The following NDST4 variants were observed in gnomAD, a reference collection of about 807,000 sequenced individuals.
NDST4 encodes N-deacetylase and N-sulfotransferase 4.
A neutral mutation model predicts 100.8 loss-of-function variants in NDST4; 63 were observed. That is an observed-to-expected ratio of 0.62 (90% CI 0.51 to 0.77). NDST4 has a LOEUF of 0.77. NDST4 is among the 30% of genes least tolerant of loss of function. NDST4 has a pLI of 0.00. For synonymous variants in NDST4, 377 were observed against 361.8 expected, an observed-to-expected ratio of 1.04 and a Z score of -0.48; for missense variants, 943 against 1,018.4, an observed-to-expected ratio of 0.93 and a Z score of 1.01.
At chr4:114,988,593 C>A (rs1413081524) in intron 2 of NDST4, among the ~76,000 whole-genome samples, 11 of 151,754 alleles carry the variant, frequency 7.2e-5, no homozygotes, top group Admixed American at 2.0e-4. Flanking sequence ...AATCTCCTGA[C>A]CTTGTGATCC....
chr4:115,071,909 C>A (rs1729086237), intron 2 of NDST4, among the ~76,000 whole-genome samples: 1 of 151,916 alleles, frequency 6.6e-6, no homozygotes, highest in African/African-American at 2.4e-5. Context: ...ATAAATAGTT[C>A]TCAATTCTCA....
intron 6 of NDST4, among the ~76,000 whole-genome samples, chr4:114,933,446 T>TC (rs1725557676): frequency 6.9e-6 from 1 of 145,412 alleles, no homozygotes; most frequent in Admixed American, 6.8e-5. Context: ...TTTTTTTTTT[T>TC]TTTTTTTTGT....
intron 6 of NDST4, among the ~76,000 whole-genome samples, chr4:114,927,420 C>T (rs995113762): frequency 6.6e-6 from 1 of 152,014 alleles, no homozygotes; most frequent in Non-Finnish European, 1.5e-5. Flanking sequence ...GTAGCCCACA[C>T]AATTTTCTGA....
chr4:114,986,832 A>ATTTTTTTTTTTTTT (rs58065684), intron 2 of NDST4, among the ~76,000 whole-genome samples: 2 of 94,662 alleles, frequency 2.1e-5, no homozygotes, highest in African/African-American at 7.4e-5. Context: ...ATATATATAT[A>ATTTTTTTTTTTTTT]TTTTAATATA....
chr4:114,941,053 G>T (rs975623972), intron 4 of NDST4, among the ~76,000 whole-genome samples: 1 of 152,176 alleles, frequency 6.6e-6, no homozygotes, highest in African/African-American at 2.4e-5. Flanking sequence ...AGGCTTGAGG[G>T]TGTGGCCCCT....
intron 2 of NDST4, among the ~76,000 whole-genome samples, chr4:115,011,037 G>A (rs958496806): frequency 2.0e-5 from 3 of 151,976 alleles, no homozygotes; most frequent in African/African-American, 7.2e-5. Flanking sequence ...ATTTTCATAT[G>A]TAATATAATT....
intron 6 of NDST4, among the ~76,000 whole-genome samples, chr4:114,917,456 T>C (rs553149320): frequency 6.6e-6 from 1 of 152,148 alleles, no homozygotes; most frequent in East Asian, 1.9e-4. Flanking sequence ...TTGATAGTAG[T>C]TGGCCTTAGA....
At chr4:114,842,618 TAAAAAAAAAAAAAAAAAAA>T (rs71584042) in intron 10 of NDST4, 1 of 38,874 alleles carries the variant, frequency 2.6e-5, no homozygotes, top group East Asian at 1.3e-3. Flanking sequence ...CAGTCTCTAC[TAAAAAAAAAAAAAAAAAAA>T]AAAAAAAAAA....
At chr4:115,104,625 T>A (rs917537447) in intron 1 of NDST4, among the ~76,000 whole-genome samples, 1 of 152,170 alleles carries the variant, frequency 6.6e-6, no homozygotes, top group African/African-American at 2.4e-5. Flanking sequence ...TATGTTTTCC[T>A]GAAAATTTTT....
At chr4:114,964,148 C>G (rs1220474193) in intron 4 of NDST4, among the ~76,000 whole-genome samples, 1 of 152,164 alleles carries the variant, frequency 6.6e-6, no homozygotes, top group African/African-American at 2.4e-5. Flanking sequence ...GAGCTGCCAT[C>G]CTGAATGACC....
intron 2 of NDST4, among the ~76,000 whole-genome samples, chr4:114,996,759 C>T (rs1206325493): frequency 6.6e-6 from 1 of 152,106 alleles, no homozygotes; most frequent in African/African-American, 2.4e-5. Flanking sequence ...GTGTTCCTCA[C>T]TAGTTTAAAT....
chr4:114,965,843 G>T (rs1013524723), intron 4 of NDST4, among the ~76,000 whole-genome samples: 19 of 152,028 alleles, frequency 1.2e-4, no homozygotes, highest in African/African-American at 4.6e-4. Flanking sequence ...TCTATGGCTG[G>T]AAAATAGCTG....
chr4:114,845,963 T>C lies in NDST4; in HGVS notation c.1975A>G (p.Thr659Ala), dbSNP rs1201101918. Residue 659 changes from threonine (T) to alanine (A), a missense_variant, in exon 10 of 14, where the codon ACA (threonine) becomes GCA (alanine). Transcript: ENST00000264363. ...MDFFPTPSNT[T>A]SDFLFEKSAN... ...CTCTTTTCAAACAGAAAGTCACTTG[T>C]AGTATTGGATGGTGTAGGGAAAAAG... The C allele has an allele frequency of 2.5e-6, 4 of 1,613,634 alleles. No homozygotes were observed. Among genetic ancestry groups the C allele is most frequent in the Non-Finnish European group, 3.4e-6 (4 of 1,179,578 alleles).
At chr4:114,876,295 A>G (rs1392321687) in intron 6 of NDST4, among the ~76,000 whole-genome samples, 1 of 152,148 alleles carries the variant, frequency 6.6e-6, no homozygotes, top group African/African-American at 2.4e-5. Flanking sequence ...AAATATGTCC[A>G]TTAGCTTGTT....
chr4:115,015,713 G>GT (rs1727661716), intron 2 of NDST4, among the ~76,000 whole-genome samples: 1 of 152,040 alleles, frequency 6.6e-6, no homozygotes, highest in East Asian at 1.9e-4. Context: ...CTCTTTCTCA[G>GT]TCTACTGCTG....
In NDST4 at chr4:114,991,950, A is replaced by G. The variant is rs765298168; in HGVS notation, c.979-14676T>C. On this transcript the variant is annotated intron_variant, in intron 2 of 13. Coordinates refer to ENST00000264363, the MANE Select transcript of NDST4 (RefSeq NM_022569.3). ...TGTGAGATCTGGCATATACCTTTTT[A>G]TGTTTCTAGTATTGTTTCTGGTTTA... is the stretch of plus-strand genomic sequence containing the variant. Among the ~76,000 whole-genome samples the G allele has an allele frequency of 5.2e-4, 79 of 151,846 alleles. 1 individual carries two copies. The highest frequency in any genetic ancestry group is 6.0e-4 in the Non-Finnish European group (41 of 67,844).
chr4:115,014,648 T>C (rs943692371), intron 2 of NDST4, among the ~76,000 whole-genome samples: 7 of 152,024 alleles, frequency 4.6e-5, no homozygotes, highest in African/African-American at 9.7e-5. Flanking sequence ...GGTTATATGA[T>C]CTATCAAATC....
Position 115,077,031 on chromosome 4 carries a change from A to T in NDST4, c.6T>A (p.Asn2Lys). The part of the protein sequence containing the change: M[N>K]LIVKLRRSFR... Reference sequence around the variant, plus strand: ...AACTTCTCCGAAGTTTCACAATAAGATTCATTTTTTAGAATAATGTTTTGG... The same window carrying T: ...AACTTCTCCGAAGTTTCACAATAAGTTTCATTTTTTAGAATAATGTTTTGG... The change falls in exon 2 of 14, where the codon AAT becomes AAA. Residue 2 changes from asparagine (N) to lysine (K), a missense_variant. Around this residue, in one of 2 missense-constraint regions of NDST4, gnomAD observed 417 missense variants for 384.2 expected, o/e 1.09. Transcript: ENST00000264363. 6.3e-7 allele frequency: 1 copy of T among 1,591,854 alleles called. No homozygotes were observed.
intron 2 of NDST4, among the ~76,000 whole-genome samples, chr4:115,073,968 C>A (rs543096194): frequency 1.3e-5 from 2 of 151,606 alleles, no homozygotes; most frequent in South Asian, 4.2e-4. Flanking sequence ...TGAGGGAGAA[C>A]CAGAAATAAC....
Sources: allele counts gnomAD v4.1 joint callset (sites outside exome capture counted in the v4.1 genomes callset), GRCh38; gene constraint gnomAD v4.1.1; regional missense constraint gnomAD v4.1.1; transcripts MANE v1.5; gene names NCBI Gene and HGNC (gene_info 2026-07-23, HGNC 2026-07-21).